Variants in DLC1 observed in about 807,000 individuals in gnomAD.
DLC1 encodes the protein DLC1 Rho GTPase activating protein, also known as rho GTPase-activating protein 7.
A neutral mutation model predicts 140.3 loss-of-function variants in DLC1; 54 were observed. The observed-to-expected ratio is 0.38, with a 90% CI of 0.31 to 0.48. The LOEUF is 0.48. DLC1 is among the 20% of genes least tolerant of loss of function. The probability of loss-of-function intolerance (pLI) is 0.96; values close to 1 mark genes in which losing one functional copy is unlikely to be tolerated. For synonymous variants in DLC1, 986 were observed against 728.1 expected, an observed-to-expected ratio of 1.35 and a Z score of -5.70; for missense variants, 2,536 against 1,907.0, an observed-to-expected ratio of 1.33 and a Z score of -6.14.
At chr8:13,550,131 T>G (rs972621684) in intron 1 of DLC1, among the ~76,000 whole-genome samples, 1 of 152,090 alleles carries the variant, frequency 6.6e-6, no homozygotes, top group Non-Finnish European at 1.5e-5. Context: ...CATCTTGAAC[T>G]GTAATGCTCA....
intron 5 of DLC1, among the ~76,000 whole-genome samples, chr8:13,143,988 C>T (rs1160576883): frequency 6.6e-6 from 1 of 152,086 alleles, no homozygotes; most frequent in Non-Finnish European, 1.5e-5. Context: ...GCCGGAGAGA[C>T]CCTGTGATGG....
chr8:13,512,618 G>T (rs1563412344), intron 1 of DLC1, among the ~76,000 whole-genome samples: 1 of 152,046 alleles, frequency 6.6e-6, no homozygotes, highest in Non-Finnish European at 1.5e-5. Context: ...CTTGAAATAA[G>T]CTACAGCAAC....
At chr8:13,381,795 C>T (rs545279407) in intron 4 of DLC1, among the ~76,000 whole-genome samples, 53 of 152,284 alleles carry the variant, frequency 3.5e-4, no homozygotes, top group Middle Eastern at 3.4e-3. Context: ...ATGATCAGTA[C>T]TGTTTTCAGC....
At chr8:13,463,839 A>G (rs1799797956) in intron 2 of DLC1, among the ~76,000 whole-genome samples, 1 of 151,726 alleles carries the variant, frequency 6.6e-6, no homozygotes, top group Non-Finnish European at 1.5e-5. Context: ...ATCTGGGGAG[A>G]GAGTAAAAGT....
intron 5 of DLC1, among the ~76,000 whole-genome samples, chr8:13,277,524 A>C (rs1164420054): frequency 6.6e-6 from 1 of 152,088 alleles, no homozygotes; most frequent in African/African-American, 2.4e-5. Flanking sequence ...CACATCAAAA[A>C]CTCATCCCCC....
chr8:13,570,889 C>G lies in DLC1; in HGVS notation c.-126+33648G>C, dbSNP rs149962516. Among the ~76,000 whole-genome samples the G allele has an allele frequency of 2.0e-3, 311 of 152,264 alleles. 6 individuals are homozygous for G. In the East Asian group the frequency reaches 0.052, roughly 26 times the overall value. ...ACTATTCAACCTCATTCTAGACTAA[C>G]CTACCAGACCCCTGTCCTGCCAGGG... On this transcript the variant is annotated intron_variant, in intron 1 of 1. Transcript: ENST00000631382.
intron 5 of DLC1, among the ~76,000 whole-genome samples, chr8:13,221,730 A>ATGTGTGTGTATATGTGTGTGTGTGTG: frequency 7.4e-6 from 1 of 135,740 alleles, no homozygotes; most frequent in South Asian, 2.4e-4. Context: ...GTGTGTGTAT[A>ATGTGTGTGTATATGTGTGTGTGTGTG]TATATATATA....
At chr8:13,348,979 A>G (rs966735159) in intron 4 of DLC1, among the ~76,000 whole-genome samples, 1 of 152,220 alleles carries the variant, frequency 6.6e-6, no homozygotes, top group African/African-American at 2.4e-5. Flanking sequence ...GAAGGTGGTG[A>G]CAGGCATAGG....
At chr8:13,144,857 A>G (rs1041834344) in intron 5 of DLC1, among the ~76,000 whole-genome samples, 32 of 152,186 alleles carry the variant, frequency 2.1e-4, no homozygotes, top group Non-Finnish European at 4.3e-4. Flanking sequence ...CTTGACTAAT[A>G]CAGACCCCTA....
chr8:13,128,332 C>T (rs923308621), intron 5 of DLC1, among the ~76,000 whole-genome samples: 1 of 152,108 alleles, frequency 6.6e-6, no homozygotes. Flanking sequence ...CAGAACACTC[C>T]CCCAAATGTT....
At chr8:13,487,632 G>A (rs905506277) in intron 2 of DLC1, among the ~76,000 whole-genome samples, 14 of 150,582 alleles carry the variant, frequency 9.3e-5, no homozygotes, top group African/African-American at 2.9e-4. Flanking sequence ...GGAGTGCAAT[G>A]GCGTGAGTTC....
intron 2 of DLC1, among the ~76,000 whole-genome samples, chr8:13,434,470 ATG>A (rs147794589): frequency 2.1e-4 from 31 of 150,058 alleles, no homozygotes; most frequent in Non-Finnish European, 2.4e-4. Context: ...AGTATTGAGA[ATG>A]TGTGTGTGTG....
At chr8:13,573,783 A>T (rs146253882) in intron 1 of DLC1, among the ~76,000 whole-genome samples, 1 of 152,296 alleles carries the variant, frequency 6.6e-6, no homozygotes, top group East Asian at 1.9e-4. Context: ...TTAAGCACTT[A>T]CTATTCAGAA....
intron 1 of DLC1, among the ~76,000 whole-genome samples, chr8:13,548,674 T>G (rs1019311951): frequency 1.3e-5 from 2 of 152,136 alleles, no homozygotes; most frequent in Middle Eastern, 3.4e-3. Flanking sequence ...ACGGATTTAA[T>G]TGACATCGTA....
At chr8:13,177,700 T>C (rs917296424) in intron 5 of DLC1, among the ~76,000 whole-genome samples, 12 of 152,326 alleles carry the variant, frequency 7.9e-5, no homozygotes, top group African/African-American at 2.9e-4. Context: ...TTTTTGCTTT[T>C]TTATATTTCA....
chr8:13,248,427 C>T (rs1011862844), intron 5 of DLC1, among the ~76,000 whole-genome samples: 3 of 152,112 alleles, frequency 2.0e-5, no homozygotes, highest in African/African-American at 7.2e-5. Flanking sequence ...AGCTGTTTCC[C>T]AATCCTTATT....
At position 13,303,670 on chromosome 8, in the gene DLC1, C is replaced by T. The variant is rs1029318006; in HGVS notation, c.1348+1599G>A. Among the ~76,000 whole-genome samples the T allele has an allele frequency of 2.2e-4, 33 of 151,926 alleles. 1 individual carries two copies. Among genetic ancestry groups the T allele is most frequent in the African/African-American group, 4.1e-4 (17 of 41,352 alleles). ...TACGAAAGTTAGCCTGGTGTGGTGGCGCAGGCATGTAATCCCAGCTACTCA... is the reference window on the plus strand; with the variant it reads ...TACGAAAGTTAGCCTGGTGTGGTGGTGCAGGCATGTAATCCCAGCTACTCA... On this transcript the variant is annotated intron_variant, in intron 5 of 17. Coordinates refer to ENST00000276297, the MANE Select transcript of DLC1 (RefSeq NM_182643.3).
At chr8:13,295,037 C>A (rs1831895205) in intron 5 of DLC1, among the ~76,000 whole-genome samples, 2 of 152,148 alleles carry the variant, frequency 1.3e-5, no homozygotes, top group Admixed American at 1.3e-4. Context: ...GCTGGCATTA[C>A]CAAGGTGCGG....
In DLC1 at chr8:13,401,633, C is replaced by G; in HGVS notation, c.1024-14G>C. ...TTCTCTTATTTCCTGAGGAACAGAA[C>G]ATTTTGTTACTGAATCTGAAAGGCC... On this transcript the variant is annotated splice_polypyrimidine_tract_variant and intron_variant, in intron 2 of 17. Coordinates refer to ENST00000276297, the MANE Select transcript of DLC1 (RefSeq NM_182643.3). 1 of 1,602,350 alleles carries G rather than the reference C, an allele frequency of 6.2e-7. No homozygotes were observed. The highest frequency in any genetic ancestry group is 2.2e-5 in the East Asian group (1 of 44,746).
Sources: allele counts gnomAD v4.1 joint callset (sites outside exome capture counted in the v4.1 genomes callset), GRCh38; gene constraint gnomAD v4.1.1; transcripts MANE v1.5; gene names NCBI Gene and HGNC (gene_info 2026-07-23, HGNC 2026-07-21).